The following THSD4 variants were observed in gnomAD, a reference collection of about 807,000 sequenced individuals.
THSD4 encodes thrombospondin type-1 domain-containing protein 4.
THSD4 carries 69 observed loss-of-function variants against 119.0 expected under a neutral mutation model. The ratio of observed to expected loss-of-function variants is 0.58; its 90% CI spans 0.48 to 0.71. The LOEUF is 0.71. Ranked by LOEUF, THSD4 falls within the 30% of genes least tolerant of loss-of-function variation. The pLI, the probability that THSD4 is intolerant of heterozygous loss-of-function variation, is 0.00. For synonymous variants in THSD4, 524 were observed against 540.4 expected, an observed-to-expected ratio of 0.97 and a Z score of 0.42; for missense variants, 1,393 against 1,391.1, an observed-to-expected ratio of 1.00 and a Z score of -0.02.
chr15:71,392,663 G>C (rs1218362115), intron 6 of THSD4, among the ~76,000 whole-genome samples: 1 of 152,202 alleles, frequency 6.6e-6, no homozygotes, highest in Non-Finnish European at 1.5e-5. Flanking sequence ...GAACCATAAT[G>C]CTGGCAGCAG....
chr15:71,538,961 C>G (rs2048722921), intron 7 of THSD4, among the ~76,000 whole-genome samples: 1 of 152,234 alleles, frequency 6.6e-6, no homozygotes, highest in Non-Finnish European at 1.5e-5. Context: ...ACATAACCCT[C>G]CTTTCAGTGA....
intron 6 of THSD4, among the ~76,000 whole-genome samples, chr15:71,402,256 G>A (rs1175348502): frequency 6.6e-6 from 1 of 151,452 alleles, no homozygotes; most frequent in Admixed American, 6.6e-5. Flanking sequence ...TGAAGGTCTT[G>A]CCCTCTTTCA....
chr15:71,729,711 T>C (rs984293819), intron 9 of THSD4: 2 of 152,098 alleles, frequency 1.3e-5, no homozygotes, highest in Non-Finnish European at 2.9e-5. Flanking sequence ...AAAGGCCTAC[T>C]GTGGGTGGTC....
intron 6 of THSD4, among the ~76,000 whole-genome samples, chr15:71,355,616 C>T (rs1378641277): frequency 1.3e-5 from 2 of 152,102 alleles, no homozygotes; most frequent in African/African-American, 2.4e-5. Flanking sequence ...GTCCCGGGTG[C>T]TGGTCAGTTA....
chr15:71,318,826 A>T (rs2045226361), intron 6 of THSD4, among the ~76,000 whole-genome samples: 1 of 152,212 alleles, frequency 6.6e-6, no homozygotes, highest in African/African-American at 2.4e-5. Context: ...TGAACCTGAG[A>T]GGCAGGAGGG....
chr15:71,546,957 G>A (rs1756537318), intron 7 of THSD4, among the ~76,000 whole-genome samples: 1 of 152,198 alleles, frequency 6.6e-6, no homozygotes, highest in African/African-American at 2.4e-5. Flanking sequence ...GGAAGGCCCT[G>A]GCTCTCCCCG....
chr15:71,371,285 G>T (rs1413756307), intron 6 of THSD4, among the ~76,000 whole-genome samples: 1 of 152,128 alleles, frequency 6.6e-6, no homozygotes, highest in East Asian at 1.9e-4. Flanking sequence ...TACATTTAAG[G>T]TTAATATTGT....
chr15:71,139,654 G>A (rs1390957808), intron 1 of THSD4, among the ~76,000 whole-genome samples: 5 of 152,180 alleles, frequency 3.3e-5, no homozygotes, highest in Admixed American at 3.3e-4. Flanking sequence ...AGGGCCTGTG[G>A]TAACTTAAAA....
intron 7 of THSD4, among the ~76,000 whole-genome samples, chr15:71,640,854 T>C (rs927797290): frequency 6.6e-6 from 1 of 152,120 alleles, no homozygotes; most frequent in Non-Finnish European, 1.5e-5. Flanking sequence ...GGATGTAACA[T>C]ATGCCACTTT....
rs2140964128 is a variant in THSD4, at chr15:71,641,535, T to G, written c.1153-18995T>G. Among the ~76,000 whole-genome samples, 2 of 152,238 alleles carry G rather than the reference T, an allele frequency of 1.3e-5. 1 individual carries two copies. Among genetic ancestry groups the G allele is most frequent in the Admixed American group, 1.3e-4 (2 of 15,282 alleles). The stretch of plus-strand genomic sequence containing the variant: ...TCCCATTTATGATTGACAGAAAGGT[T>G]ATGCGTCTTGCCTGAGGTCACACAG... On this transcript the variant is annotated intron_variant, in intron 7 of 17. Coordinates refer to ENST00000261862, the MANE Select transcript of THSD4 (RefSeq NM_024817.3).
chr15:71,411,138 T>G lies in THSD4; in HGVS notation c.1016-549T>G, dbSNP rs550923563. On this transcript the variant is annotated intron_variant, in intron 6 of 17. Coordinates refer to ENST00000261862, the MANE Select transcript of THSD4 (RefSeq NM_024817.3). Reference sequence around the variant, plus strand: ...TTGTGCAGTTACTTTTGCACCAACGTAATTAATTATGACAATGGCAAAGCG... The same window carrying G: ...TTGTGCAGTTACTTTTGCACCAACGGAATTAATTATGACAATGGCAAAGCG... Among the ~76,000 whole-genome samples, 237 of 152,304 alleles carry G rather than the reference T, an allele frequency of 1.6e-3. 1 individual carries two copies. The highest frequency in any genetic ancestry group is 5.3e-3 in the African/African-American group (222 of 41,556).
chr15:71,698,653 A>AATATATATACATGT (rs1555442870), intron 8 of THSD4, among the ~76,000 whole-genome samples: 1 of 139,850 alleles, frequency 7.2e-6, no homozygotes, highest in African/African-American at 2.6e-5. Flanking sequence ...ATATACATGA[A>AATATATATACATGT]ATATATACAT....
At chr15:71,428,130 C>T (rs774124775) in intron 7 of THSD4, among the ~76,000 whole-genome samples, 5 of 152,244 alleles carry the variant, frequency 3.3e-5, no homozygotes, top group Non-Finnish European at 7.4e-5. Flanking sequence ...CCACTTCTAC[C>T]CCAACCCACC....
intron 6 of THSD4, among the ~76,000 whole-genome samples, chr15:71,391,259 G>T (rs2046374653): frequency 6.6e-6 from 1 of 152,048 alleles, no homozygotes. Flanking sequence ...TTGATCTCCT[G>T]ACCTCGTGAT....
chr15:71,581,915 G>A (rs2049566782), intron 7 of THSD4, among the ~76,000 whole-genome samples: 4 of 152,062 alleles, frequency 2.6e-5, no homozygotes, highest in African/African-American at 9.7e-5. Flanking sequence ...GATTACTGTA[G>A]CATTATAATA....
intron 8 of THSD4, among the ~76,000 whole-genome samples, chr15:71,674,822 C>T (rs531843022): frequency 2.0e-5 from 3 of 152,050 alleles, no homozygotes; most frequent in Non-Finnish European, 4.4e-5. Flanking sequence ...TGCTGCTGAA[C>T]CTTCCACAGT....
chr15:71,242,862 A>G lies in THSD4; in HGVS notation c.678A>G (p.Gln226=). The change falls in exon 5 of 18, where the codon CAA becomes CAG. Residue 226 remains glutamine (Q), a synonymous_variant. Transcript: ENST00000261862. ...TCCCCCAACATGGGCCTTTGTACCA[A>G]AGTGACAGTGGCCCTCGCTCTGGAC... ...HQVPQHGPLY[Q]SDSGPRSGLQ... is the part of the protein sequence containing the mutation. The G allele has an allele frequency of 1.2e-6, 2 of 1,614,196 alleles. No homozygotes were observed. Among genetic ancestry groups the G allele is most frequent in the Non-Finnish European group, 1.7e-6 (2 of 1,180,026 alleles).
At chr15:71,414,288 A>G (rs893047130) in intron 7 of THSD4, among the ~76,000 whole-genome samples, 1 of 152,230 alleles carries the variant, frequency 6.6e-6, no homozygotes, top group East Asian at 1.9e-4. Flanking sequence ...CTACATATAT[A>G]CCATTGTACT....
At chr15:71,751,440 A>T (rs1178621113) in intron 14 of THSD4, among the ~76,000 whole-genome samples, 1 of 152,144 alleles carries the variant, frequency 6.6e-6, no homozygotes, top group Middle Eastern at 3.2e-3. Flanking sequence ...TTTTCTTCTC[A>T]TACATACTTT....
Sources: gnomAD v4.1 joint callset for allele counts (sites outside exome capture counted in the v4.1 genomes callset) on GRCh38, gnomAD v4.1.1 for gene constraint, MANE v1.5 for transcripts, NCBI Gene and HGNC (gene_info 2026-07-23, HGNC 2026-07-21) for gene names.